LRRC4C: variants seen among roughly 807,000 people sequenced by gnomAD.
LRRC4C encodes leucine rich repeat containing 4C.
In LRRC4C, 5 loss-of-function variants were observed where a neutral mutation model predicts 33.6. The ratio of observed to expected loss-of-function variants is 0.15; its 90% CI spans 0.08 to 0.31. The LOEUF is 0.31. LRRC4C is among the 10% of genes least tolerant of loss of function. The probability of loss-of-function intolerance (pLI) is 1.00; values close to 1 mark genes in which losing one functional copy is unlikely to be tolerated. For missense variants in LRRC4C, 560 were observed against 796.7 expected, an observed-to-expected ratio of 0.70 and a Z score of 3.58; for synonymous variants, 329 against 302.0, an observed-to-expected ratio of 1.09 and a Z score of -0.93.
At chr11:40,980,410 T>C (rs778987644) in intron 1 of LRRC4C, among the ~76,000 whole-genome samples, 3 of 152,174 alleles carry the variant, frequency 2.0e-5, no homozygotes, top group Non-Finnish European at 4.4e-5. Context: ...TAGAACGAAT[T>C]CAATTTAGAG....
intron 3 of LRRC4C, among the ~76,000 whole-genome samples, chr11:40,579,142 G>A (rs1355006144): frequency 1.3e-5 from 2 of 152,122 alleles, no homozygotes; most frequent in Non-Finnish European, 2.9e-5. Context: ...GTTCAAGACA[G>A]CCTGGACAAC....
chr11:40,158,612 A>AAATT (rs1412250575), intron 5 of LRRC4C, among the ~76,000 whole-genome samples: 1 of 151,402 alleles, frequency 6.6e-6, no homozygotes, highest in Non-Finnish European at 1.5e-5. Context: ...CTGGCATGTG[A>AAATT]AATTTGGCAA....
chr11:40,263,331 C>T (rs10734481), intron 4 of LRRC4C, among the ~76,000 whole-genome samples: 141,777 of 152,116 alleles, frequency 0.93, 66,147 homozygotes, highest in East Asian at 1. Context: ...GTAGGTTTTT[C>T]TTTGGCTGTT....
chr11:40,635,216 A>C (rs1159821025), intron 3 of LRRC4C, among the ~76,000 whole-genome samples: 2 of 152,216 alleles, frequency 1.3e-5, no homozygotes, highest in Admixed American at 1.3e-4. Flanking sequence ...CCATCATAGA[A>C]TTCTCAACCT....
chr11:41,332,574 C>G (rs1035450117), intron 1 of LRRC4C, among the ~76,000 whole-genome samples: 2 of 152,142 alleles, frequency 1.3e-5, no homozygotes, highest in African/African-American at 2.4e-5. Context: ...ACACTAAACT[C>G]TTTTCTTGCT....
rs781198285 is a variant in LRRC4C, at chr11:41,404,342, T to C, written c.-496+55089A>G. On this transcript the variant is annotated intron_variant, in intron 1 of 6. Coordinates refer to ENST00000528697, the MANE Select transcript of LRRC4C (RefSeq NM_001258419.2). ...AAAGTCATGTTTGCTTTCTAGTAAATGGTTAACGAAACCATGTAGCTTTCA... is the reference window on the plus strand; with the variant it reads ...AAAGTCATGTTTGCTTTCTAGTAAACGGTTAACGAAACCATGTAGCTTTCA... Among the ~76,000 whole-genome samples the C allele has an allele frequency of 5.7e-4, 86 of 152,094 alleles. 1 individual carries two copies. Among genetic ancestry groups the C allele is most frequent in the Admixed American group, 3.1e-3 (47 of 15,272 alleles).
intron 1 of LRRC4C, among the ~76,000 whole-genome samples, chr11:41,256,432 G>A (rs779359140): frequency 4.6e-5 from 7 of 151,774 alleles, no homozygotes; most frequent in South Asian, 4.1e-4. Flanking sequence ...GCATTGTTTC[G>A]TCAACCATTC....
Position 40,388,975 on chromosome 11 carries a change from G to A in LRRC4C, c.-269-69254C>T, listed in dbSNP as rs566249199. Among the ~76,000 whole-genome samples, 12 of 152,184 alleles carry A rather than the reference G, an allele frequency of 7.9e-5. 1 individual carries two copies. Among genetic ancestry groups the A allele is most frequent in the Middle Eastern group, 3.4e-3 (1 of 294 alleles). ...TTAGTCACGTGTTCACTTGTTTTGC[G>A]TTCATTCTAGTGATGTCCTTCAATT... is the stretch of plus-strand genomic sequence containing the variant. On this transcript the variant is annotated intron_variant, in intron 3 of 6. Coordinates refer to ENST00000528697, the MANE Select transcript of LRRC4C (RefSeq NM_001258419.2).
At chr11:40,578,296 T>C (rs1958311097) in intron 3 of LRRC4C, among the ~76,000 whole-genome samples, 1 of 151,752 alleles carries the variant, frequency 6.6e-6, no homozygotes, top group African/African-American at 2.4e-5. Context: ...GGAAAACTTT[T>C]ACATTCAGGT....
At chr11:40,679,936 C>A (rs1944594397) in intron 2 of LRRC4C, among the ~76,000 whole-genome samples, 1 of 152,148 alleles carries the variant, frequency 6.6e-6, no homozygotes, top group Non-Finnish European at 1.5e-5. Context: ...ATAGCTTGCA[C>A]CACACACCTG....
rs201491516 is a variant in LRRC4C, at chr11:41,298,692, T to C, written c.-496+160739A>G. Among the ~76,000 whole-genome samples, 10 of 152,302 alleles carry C rather than the reference T, an allele frequency of 6.6e-5. No homozygotes were observed. The East Asian group carries it at 1.9e-3, about 29-fold the overall frequency. ...GGGGTGCAAGTGCAGTTTTTTTACA[T>C]AGATACAATTTGTACTGGTGAACTC... On this transcript the variant is annotated intron_variant, in intron 1 of 6. Transcript: ENST00000528697.
At chr11:41,288,933 T>A (rs1247828204) in intron 1 of LRRC4C, among the ~76,000 whole-genome samples, 5 of 143,894 alleles carry the variant, frequency 3.5e-5, no homozygotes, top group African/African-American at 1.3e-4. Context: ...TTTTTTTTTT[T>A]AAGAGCTCAC....
intron 2 of LRRC4C, among the ~76,000 whole-genome samples, chr11:40,662,409 A>G (rs1312472509): frequency 6.6e-6 from 1 of 152,190 alleles, no homozygotes; most frequent in Non-Finnish European, 1.5e-5. Context: ...TACAGTAGTT[A>G]TAGCTGCTCT....
rs369635408 is a variant in LRRC4C at position 40,842,692 on chromosome 11, T to G, written c.-407+90943A>C. Among the ~76,000 whole-genome samples, 28 of 152,276 alleles carry G rather than the reference T, an allele frequency of 1.8e-4. No homozygotes were observed. In the South Asian group the frequency reaches 5.2e-3, roughly 28 times the overall value. On this transcript the variant is annotated intron_variant, in intron 2 of 6. Coordinates refer to ENST00000528697, the MANE Select transcript of LRRC4C (RefSeq NM_001258419.2). ...ATCATTTAACCAACATCTCTCCAAT[T>G]AACTCCATAATTGATCAAAATTTTT... is the stretch of plus-strand genomic sequence containing the variant.
At chr11:41,091,845 T>C (rs1294853705) in intron 1 of LRRC4C, among the ~76,000 whole-genome samples, 3 of 152,166 alleles carry the variant, frequency 2.0e-5, no homozygotes, top group Non-Finnish European at 2.9e-5. Context: ...TAGATCCTAA[T>C]ATTAGCCTAT....
chr11:41,395,133 T>G (rs1350313866), intron 1 of LRRC4C, among the ~76,000 whole-genome samples: 9 of 149,250 alleles, frequency 6.0e-5, no homozygotes, highest in Non-Finnish European at 1.5e-5. Flanking sequence ...GTACAGACAC[T>G]GGCAGAGTCT....
intron 1 of LRRC4C, among the ~76,000 whole-genome samples, chr11:41,083,642 C>A (rs1014353253): frequency 6.6e-6 from 1 of 152,076 alleles, no homozygotes; most frequent in African/African-American, 2.4e-5. Flanking sequence ...TGAGGCTTTA[C>A]AAGAAATGGC....
chr11:40,610,652 A>T (rs1027779706), intron 3 of LRRC4C, among the ~76,000 whole-genome samples: 1 of 151,968 alleles, frequency 6.6e-6, no homozygotes, highest in African/African-American at 2.4e-5. Context: ...AACTATTAGA[A>T]CTAAATAAGG....
intron 2 of LRRC4C, among the ~76,000 whole-genome samples, chr11:40,864,650 T>G (rs1412348888): frequency 6.6e-6 from 1 of 152,188 alleles, no homozygotes; most frequent in Admixed American, 6.5e-5. Flanking sequence ...ACATACCTAG[T>G]GGATTAAGGT....
Sources: allele counts gnomAD v4.1 joint callset (sites outside exome capture counted in the v4.1 genomes callset), GRCh38; gene constraint gnomAD v4.1.1; transcripts MANE v1.5; gene names NCBI Gene and HGNC (gene_info 2026-07-23, HGNC 2026-07-21).